Variants in CUX2 observed in about 807,000 individuals in gnomAD.
The protein encoded by CUX2 is homeobox protein cut-like 2.
Under a neutral mutation model 144.8 loss-of-function variants are expected in CUX2, and 40 were observed. That is an observed-to-expected ratio of 0.28 (90% confidence interval 0.21 to 0.36). The LOEUF (loss-of-function observed/expected upper bound fraction) is 0.36, where lower values mean the gene tolerates loss of function less well. Ranked by LOEUF, CUX2 falls within the 10% of genes least tolerant of loss-of-function variation. The pLI is 1.00. For missense variants in CUX2, 1,615 were observed against 1,994.0 expected, an observed-to-expected ratio of 0.81 and a Z score of 3.62; for synonymous variants, 827 against 875.6, an observed-to-expected ratio of 0.94 and a Z score of 0.98.
chr12:111,191,290 T>C (rs944912450), intron 1 of CUX2, among the ~76,000 whole-genome samples: 1 of 150,960 alleles, frequency 6.6e-6, no homozygotes, highest in Non-Finnish European at 1.5e-5. Flanking sequence ...ACCACTATTA[T>C]TGTTCTTATT....
intron 1 of CUX2, among the ~76,000 whole-genome samples, chr12:111,185,024 A>C (rs1162712366): frequency 6.6e-6 from 1 of 152,212 alleles, no homozygotes; most frequent in East Asian, 1.9e-4. Flanking sequence ...AGATGGCGCC[A>C]CTGCACTCCA....
intron 1 of CUX2, among the ~76,000 whole-genome samples, chr12:111,058,450 C>T (rs1422474211): frequency 1.3e-5 from 2 of 152,206 alleles, no homozygotes; most frequent in Non-Finnish European, 2.9e-5. Context: ...AGAGAAAGAT[C>T]TGACTTTACT....
intron 1 of CUX2, among the ~76,000 whole-genome samples, chr12:111,049,212 C>T (rs758848268): frequency 2.0e-5 from 3 of 150,742 alleles, no homozygotes; most frequent in East Asian, 1.9e-4. Flanking sequence ...CATCCATCCA[C>T]GAATTCATCC....
chr12:111,305,320 T>C (rs1423153686), intron 10 of CUX2, among the ~76,000 whole-genome samples: 5 of 152,166 alleles, frequency 3.3e-5, no homozygotes, highest in Non-Finnish European at 7.3e-5. Context: ...AACCTGAACT[T>C]GCGAGCATAA....
chr12:111,216,235 T>C (rs1211766164), intron 2 of CUX2, among the ~76,000 whole-genome samples: 1 of 152,240 alleles, frequency 6.6e-6, no homozygotes, highest in Non-Finnish European at 1.5e-5. Context: ...TCCAGTGACC[T>C]GGGCTCAAAT....
chr12:111,211,340 C>G (rs965030598), intron 1 of CUX2, among the ~76,000 whole-genome samples: 1 of 152,128 alleles, frequency 6.6e-6, no homozygotes, highest in African/African-American at 2.4e-5. Flanking sequence ...TGGCTCTGTT[C>G]TCTCTGCAGT....
chr12:111,154,476 C>T (rs116440386), intron 1 of CUX2, among the ~76,000 whole-genome samples: 4,041 of 152,222 alleles, frequency 0.027, 69 homozygotes, highest in Middle Eastern at 0.061. Context: ...GAAGGCCAGC[C>T]GGGCCACCTT....
At chr12:111,195,664 G>A (rs1361081105) in intron 1 of CUX2, among the ~76,000 whole-genome samples, 1 of 152,158 alleles carries the variant, frequency 6.6e-6, no homozygotes, top group Non-Finnish European at 1.5e-5. Flanking sequence ...TCTGTGACAT[G>A]GGGATACTGG....
chr12:111,188,758 C>A (rs1482584000), intron 1 of CUX2, among the ~76,000 whole-genome samples: 2 of 152,058 alleles, frequency 1.3e-5, no homozygotes, highest in African/African-American at 4.8e-5. Flanking sequence ...CTTGTCACGG[C>A]AGGTTTTAGG....
chr12:111,286,572 C>T (rs1381000436), intron 4 of CUX2, among the ~76,000 whole-genome samples: 1 of 151,900 alleles, frequency 6.6e-6, no homozygotes, highest in Non-Finnish European at 1.5e-5. Flanking sequence ...CCTATCTCTA[C>T]AAAAATTAAA....
intron 1 of CUX2, among the ~76,000 whole-genome samples, chr12:111,121,369 C>CTTTTTTTTT (rs5800920): frequency 2.7e-4 from 16 of 59,040 alleles, no homozygotes; most frequent in African/African-American, 7.0e-4. Context: ...TTTCTTTTTT[C>CTTTTTTTTT]TTTTTTTTTT....
At chr12:111,205,166 C>A (rs1457747798) in intron 1 of CUX2, among the ~76,000 whole-genome samples, 1 of 152,136 alleles carries the variant, frequency 6.6e-6, no homozygotes, top group East Asian at 1.9e-4. Flanking sequence ...TGTCTCCTCA[C>A]TTATGGCAGG....
chr12:111,306,788 A>G, intron 10 of CUX2, 133 bp from the exon 11 acceptor site: 1 of 685,346 alleles, frequency 1.5e-6, no homozygotes, highest in Non-Finnish European at 2.5e-6. Flanking sequence ...TGAATTTTTC[A>G]ACACAAGCAC....
chr12:111,226,119 T>C (rs191392088), intron 3 of CUX2, among the ~76,000 whole-genome samples: 29 of 152,342 alleles, frequency 1.9e-4, no homozygotes, highest in Non-Finnish European at 1.8e-4. Context: ...AATTTTTGTA[T>C]TTTTTGTAGA....
chr12:111,328,994 C>CCTCTCCCT lies in CUX2; in HGVS notation c.2927-5443_2927-5436dup, dbSNP rs1393320944. On this transcript the variant is annotated intron_variant, in intron 18 of 21. Transcript: ENST00000261726. Reference sequence around the variant, plus strand: ...CTCTCTCCCCCTCTCTCCCTCTCTCCCTCTCCCTCTCCTCCCCCCACCCCA... The same window carrying CCTCTCCCT: ...CTCTCTCCCCCTCTCTCCCTCTCTCCCTCTCCCTCTCTCCCTCTCCTCCCCCCACCCCA... Among the ~76,000 whole-genome samples, 246 of 79,252 alleles carry CCTCTCCCT rather than the reference C, an allele frequency of 3.1e-3. 7 individuals are homozygous for CCTCTCCCT. The highest frequency in any genetic ancestry group is 0.013 in the African/African-American group (212 of 15,954). 52.0% of individuals were successfully genotyped at this position (79,252 alleles called of 152,430 possible).
intron 3 of CUX2, among the ~76,000 whole-genome samples, chr12:111,232,354 A>G (rs1882516136): frequency 6.6e-6 from 1 of 152,012 alleles, no homozygotes; most frequent in Non-Finnish European, 1.5e-5. Flanking sequence ...TTTTTTAAAA[A>G]TTAGCTGGGC....
intron 18 of CUX2, among the ~76,000 whole-genome samples, chr12:111,332,727 T>C (rs1317580453): frequency 2.0e-5 from 3 of 152,228 alleles, no homozygotes; most frequent in East Asian, 3.8e-4. Context: ...AATCGTGCTC[T>C]TTCTCTGCCA....
At chr12:111,244,260 C>G (rs1172544873) in intron 3 of CUX2, among the ~76,000 whole-genome samples, 1 of 152,084 alleles carries the variant, frequency 6.6e-6, no homozygotes, top group East Asian at 1.9e-4. Context: ...CACTTTCCAC[C>G]CAGGAAGTGT....
At position 111,295,336 on chromosome 12, in the gene CUX2, C is replaced by A. The variant is rs770686494; in HGVS notation, c.564C>A (p.Gly188=). The change falls in exon 7 of 22, where the codon GGC becomes GGA. Residue 188 remains glycine, a synonymous_variant. Transcript: ENST00000261726. The surrounding 1 kb of genome is among the most constrained non-coding windows in gnomAD (Gnocchi z 5.0). Reference sequence around the variant, plus strand: ...AGCAGGCCTCGTCTCTCCGCAGGGGCCTTCAAGAAGTACAGATCACTTTGG... The same window carrying A: ...AGCAGGCCTCGTCTCTCCGCAGGGGACTTCAAGAAGTACAGATCACTTTGG... ...LQRNEAEKQK[G]LQEVQITLAA... 6 of 1,612,524 alleles carry A rather than the reference C, an allele frequency of 3.7e-6. No homozygotes were observed. Among genetic ancestry groups the A allele is most frequent in the South Asian group, 1.1e-5 (1 of 90,582 alleles).
Sources: gnomAD v4.1 joint callset for allele counts (sites outside exome capture counted in the v4.1 genomes callset) on GRCh38, gnomAD v4.1.1 for gene constraint, Gnocchi (gnomAD v3.1) non-coding constraint, MANE v1.5 for transcripts, NCBI Gene and HGNC (gene_info 2026-07-23, HGNC 2026-07-21) for gene names.